PLCL2: variants seen among roughly 807,000 people sequenced by gnomAD.
PLCL2 encodes the protein phospholipase C like 2.
Under a neutral mutation model 79.6 loss-of-function variants are expected in PLCL2, and 4 were observed. The ratio of observed to expected loss-of-function variants is 0.05; its 90% CI spans 0.02 to 0.11. The LOEUF is 0.11. Among genes scored for constraint, PLCL2 ranks in the 10% least tolerant of loss-of-function variants. The pLI is 1.00. For missense variants in PLCL2, 895 were observed against 1,291.0 expected (o/e 0.69, Z 4.70); for synonymous variants, 484 against 457.7 (o/e 1.06, Z -0.73).
intron 3 of PLCL2, among the ~76,000 whole-genome samples, chr3:17,040,776 T>C (rs905444316): frequency 6.6e-6 from 1 of 152,210 alleles, no homozygotes; most frequent in Admixed American, 6.5e-5. Flanking sequence ...TGTAAATCTT[T>C]GCTGTTTCTG....
intron 1 of PLCL2, among the ~76,000 whole-genome samples, chr3:16,897,099 G>C (rs1696500815): frequency 6.6e-6 from 1 of 152,124 alleles, no homozygotes; most frequent in African/African-American, 2.4e-5. Context: ...TGGGGTGTAG[G>C]GGGCAGGATT....
At chr3:16,907,823 A>T (rs1233355337) in intron 1 of PLCL2, among the ~76,000 whole-genome samples, 1 of 152,174 alleles carries the variant, frequency 6.6e-6, no homozygotes. Context: ...TTGAAGTAGA[A>T]TTTGGTTGTT....
rs144082993 is a variant in PLCL2 at position 17,000,413 on chromosome 3, T to A, written c.328-9261T>A. Among the ~76,000 whole-genome samples the A allele has an allele frequency of 3.8e-3, 542 of 142,912 alleles. 2 individuals carry two copies. The highest frequency in any genetic ancestry group is 5.9e-3 in the Non-Finnish European group (387 of 65,718). The allele number at this position is 142,912 out of a possible 152,430, so 93.8% of individuals were successfully genotyped here. On this transcript the variant is annotated intron_variant, in intron 1 of 5. Transcript: ENST00000615277. ...TGATCAAATCAGGGTAATTAGGACA[T>A]CAGTCATGTCAAACATTTATAATTT... is the stretch of plus-strand genomic sequence containing the variant.
At chr3:17,056,873 T>C (rs1464229460) in intron 4 of PLCL2, among the ~76,000 whole-genome samples, 5 of 152,220 alleles carry the variant, frequency 3.3e-5, no homozygotes, top group Admixed American at 3.3e-4. Flanking sequence ...GAGGTGGAGC[T>C]TGAACTAGGG....
intron 1 of PLCL2, among the ~76,000 whole-genome samples, chr3:16,945,943 C>T (rs994306564): frequency 6.6e-6 from 1 of 152,170 alleles, no homozygotes. Flanking sequence ...TTATGTCATA[C>T]GTTTCACTAC....
intron 1 of PLCL2, among the ~76,000 whole-genome samples, chr3:16,944,519 A>G (rs1447879031): frequency 2.0e-5 from 3 of 152,148 alleles, no homozygotes. Flanking sequence ...AAATGAGGTC[A>G]TTGGGATGGG....
intron 3 of PLCL2, among the ~76,000 whole-genome samples, chr3:17,017,497 AT>A (rs1326654719): frequency 6.6e-6 from 1 of 152,172 alleles, no homozygotes; most frequent in East Asian, 1.9e-4. Flanking sequence ...GCCAGAATAG[AT>A]TAAATATTGA....
In PLCL2 at chr3:17,080,903, C is replaced by T. The variant is rs193092751; in HGVS notation, c.3205-8830C>T. 1.8e-3 allele frequency among the ~76,000 whole-genome samples: 276 copies of T among 152,340 alleles called. 1 individual carries two copies. Among genetic ancestry groups the T allele is most frequent in the Admixed American group, 0.013 (192 of 15,302 alleles). On this transcript the variant is annotated intron_variant, in intron 5 of 5. Transcript: ENST00000615277. ...TGTAGTGTGTGTTTCAACCTGCTTG[C>T]TTTAAAATATTGCATGCAGTCTGTG...
intron 1 of PLCL2, among the ~76,000 whole-genome samples, chr3:16,980,469 G>A (rs1318557439): frequency 1.3e-5 from 2 of 151,012 alleles, no homozygotes; most frequent in Admixed American, 6.6e-5. Context: ...CGGGGCGGCC[G>A]GGCAGAGACG....
At chr3:17,061,844 C>G (rs2064956080) in intron 4 of PLCL2, among the ~76,000 whole-genome samples, 1 of 152,190 alleles carries the variant, frequency 6.6e-6, no homozygotes, top group African/African-American at 2.4e-5. Context: ...TTCACACAGC[C>G]TATATCTTCC....
intron 1 of PLCL2, among the ~76,000 whole-genome samples, chr3:16,929,249 A>G (rs1388521882): frequency 1.3e-5 from 2 of 152,086 alleles, no homozygotes; most frequent in African/African-American, 2.4e-5. Context: ...CTGCACTAGG[A>G]CTTGTCTCAG....
intron 1 of PLCL2, among the ~76,000 whole-genome samples, chr3:16,965,848 T>G (rs996150165): frequency 6.6e-6 from 1 of 151,934 alleles, no homozygotes; most frequent in African/African-American, 2.4e-5. Context: ...ATAAGAATGC[T>G]TGTGATTTTT....
At chr3:16,951,148 A>G (rs2063647721) in intron 1 of PLCL2, among the ~76,000 whole-genome samples, 1 of 152,140 alleles carries the variant, frequency 6.6e-6, no homozygotes, top group Admixed American at 6.6e-5. Context: ...AGTTTATGTA[A>G]CATAGAATTT....
At chr3:16,980,275 A>AC (rs564803425) in intron 1 of PLCL2, among the ~76,000 whole-genome samples, 4,679 of 120,184 alleles carry the variant, frequency 0.039, 122 homozygotes, top group South Asian at 0.069. Flanking sequence ...CGGGGGGCTG[A>AC]CCCCCCCCAC....
chr3:17,008,372 A>G (rs1198090411), intron 1 of PLCL2, among the ~76,000 whole-genome samples: 1 of 151,100 alleles, frequency 6.6e-6, no homozygotes, highest in Non-Finnish European at 1.5e-5. Flanking sequence ...CAGTTACTTA[A>G]TTGGTTTCTA....
Position 17,052,262 on chromosome 3 carries a change from G to GA in PLCL2, c.3094+9313_3094+9314insA, listed in dbSNP as rs569662810. Reference sequence around the variant, plus strand: ...AAAAAAAAAAAAAAAAATTGGGGGGGGGTGAAGGTCTCAGGTTATGGATTT... The same window carrying GA: ...AAAAAAAAAAAAAAAAATTGGGGGGGAGGTGAAGGTCTCAGGTTATGGATTT... On this transcript the variant is annotated intron_variant, in intron 4 of 5. Transcript: ENST00000615277. Among the ~76,000 whole-genome samples, 781 of 150,572 alleles carry GA rather than the reference G, an allele frequency of 5.2e-3. 41 individuals are homozygous for GA. The South Asian group carries it at 0.096, about 19-fold the overall frequency.
At chr3:16,963,810 C>T (rs1326143826) in intron 1 of PLCL2, among the ~76,000 whole-genome samples, 5 of 151,316 alleles carry the variant, frequency 3.3e-5, no homozygotes, top group Non-Finnish European at 7.4e-5. Flanking sequence ...CTCAAGTCAC[C>T]CTTCTCCTAA....
intron 4 of PLCL2, among the ~76,000 whole-genome samples, chr3:17,046,087 T>C (rs2124923968): frequency 6.6e-6 from 1 of 152,152 alleles, no homozygotes; most frequent in East Asian, 1.9e-4. Flanking sequence ...TGGGCCGCCA[T>C]GGGAGTGAGA....
At chr3:17,029,873 C>T (rs909528637) in intron 3 of PLCL2, among the ~76,000 whole-genome samples, 1 of 152,182 alleles carries the variant, frequency 6.6e-6, no homozygotes, top group Non-Finnish European at 1.5e-5. Context: ...TCTCACCTGC[C>T]ACCATGAGCT....
Sources: gnomAD v4.1 joint callset for allele counts (sites outside exome capture counted in the v4.1 genomes callset) on GRCh38, gnomAD v4.1.1 for gene constraint, MANE v1.5 for transcripts, NCBI Gene and HGNC (gene_info 2026-07-23, HGNC 2026-07-21) for gene names.